ERP44: variants seen among roughly 807,000 people sequenced by gnomAD.
ERP44 encodes the protein endoplasmic reticulum resident protein 44.
Under a neutral mutation model 53.4 loss-of-function variants are expected in ERP44, and 25 were observed. The observed-to-expected ratio is 0.47, with a 90% CI of 0.34 to 0.65. ERP44 has a LOEUF of 0.65. Ranked by LOEUF, ERP44 falls within the 30% of genes least tolerant of loss-of-function variation. ERP44 has a pLI of 0.01. For synonymous variants in ERP44, 145 were observed against 161.2 expected (o/e 0.90, Z 0.76); for missense variants, 338 against 493.2 (o/e 0.69, Z 2.98).
intron 1 of ERP44, among the ~76,000 whole-genome samples, chr9:100,071,182 C>G (rs1826300146): frequency 6.6e-6 from 1 of 150,670 alleles, no homozygotes; most frequent in African/African-American, 2.4e-5. Context: ...GCGACCTCCA[C>G]CTCCTGGGCT....
chr9:100,014,896 C>A (rs1830513164), intron 8 of ERP44, among the ~76,000 whole-genome samples: 1 of 152,228 alleles, frequency 6.6e-6, no homozygotes, highest in African/African-American at 2.4e-5. Flanking sequence ...AAATTCATTT[C>A]TCATCATTCT....
chr9:100,004,568 G>C (rs1432008340), intron 10 of ERP44, among the ~76,000 whole-genome samples: 2 of 152,218 alleles, frequency 1.3e-5, no homozygotes, highest in African/African-American at 4.8e-5. Flanking sequence ...CAAGCCAAGT[G>C]TTTGGGTCTG....
intron 10 of ERP44, among the ~76,000 whole-genome samples, chr9:99,991,953 C>G (rs927023301): frequency 2.6e-5 from 4 of 152,138 alleles, no homozygotes; most frequent in Non-Finnish European, 4.4e-5. Flanking sequence ...TACACCCTCC[C>G]AAGGCTAAAC....
chr9:100,052,294 C>T (rs1199935781), intron 4 of ERP44, 123 bp downstream of exon 4: 2 of 448,580 alleles, frequency 4.5e-6, no homozygotes, highest in Admixed American at 8.9e-5. Flanking sequence ...CACTTAAAAG[C>T]AGAGCATTTA....
At chr9:100,067,221 C>T (rs1267906373) in intron 1 of ERP44, among the ~76,000 whole-genome samples, 1 of 152,200 alleles carries the variant, frequency 6.6e-6, no homozygotes, top group East Asian at 1.9e-4. Flanking sequence ...TCTCTTTCCA[C>T]AGTCTCCCTC....
At chr9:100,009,201 T>C (rs1301638852) in intron 8 of ERP44, among the ~76,000 whole-genome samples, 3 of 152,150 alleles carry the variant, frequency 2.0e-5, no homozygotes, top group East Asian at 1.9e-4. Context: ...AACCTCTGCC[T>C]CCCGTGTTCA....
At chr9:100,092,950 T>C (rs926610469) in intron 1 of ERP44, among the ~76,000 whole-genome samples, 4 of 152,112 alleles carry the variant, frequency 2.6e-5, no homozygotes, top group African/African-American at 9.7e-5. Context: ...TATCAGAAAT[T>C]CTAAATATAA....
At chr9:100,048,714 A>G (rs938970421) in intron 4 of ERP44, among the ~76,000 whole-genome samples, 1 of 152,244 alleles carries the variant, frequency 6.6e-6, no homozygotes, top group Admixed American at 6.5e-5. Context: ...GACGCATGCT[A>G]CAACACGAAT....
At chr9:99,998,897 C>T (rs1830344686) in intron 10 of ERP44, 5 of 1,593,162 alleles carry the variant, frequency 3.1e-6, no homozygotes. Flanking sequence ...CTCCATCTCC[C>T]CCAGCAGTCT....
In ERP44 at chr9:100,085,146, A is replaced by T. The variant is rs562342613; in HGVS notation, c.57+13638T>A. ...CACTTTTTTATTCAAGACAATAACT[A>T]GTGTGTATCAAGGAAGTCTTTATAA... On this transcript the variant is annotated intron_variant, in intron 1 of 11. Transcript: ENST00000262455. 3.4e-4 allele frequency among the ~76,000 whole-genome samples: 52 copies of T among 152,370 alleles called. 1 individual carries two copies. The highest frequency in any genetic ancestry group is 1.3e-3 in the African/African-American group (52 of 41,590).
chr9:100,031,225 G>A (rs1361093659), intron 4 of ERP44, among the ~76,000 whole-genome samples: 2 of 151,938 alleles, frequency 1.3e-5, no homozygotes, highest in Admixed American at 6.6e-5. Flanking sequence ...TTCTCATTTT[G>A]TTCTATGTCT....
At chr9:100,001,825 A>G (rs1830381240) in intron 10 of ERP44, among the ~76,000 whole-genome samples, 1 of 152,138 alleles carries the variant, frequency 6.6e-6, no homozygotes, top group African/African-American at 2.4e-5. Context: ...CAAATTAATT[A>G]TTGATGGGTA....
At chr9:100,097,125 T>G (rs950736609) in intron 1 of ERP44, among the ~76,000 whole-genome samples, 1 of 152,172 alleles carries the variant, frequency 6.6e-6, no homozygotes, top group Non-Finnish European at 1.5e-5. Flanking sequence ...AGAAAGATAA[T>G]TATACAAAAT....
chr9:100,060,314 C>G, intron 1 of ERP44, 142 bp from the exon 2 acceptor site: 1 of 971,568 alleles, frequency 1.0e-6, no homozygotes, highest in Non-Finnish European at 1.3e-6. Context: ...ATTATCTAGT[C>G]TAATCTTTTA....
chr9:100,086,684 C>T (rs187583435), intron 1 of ERP44, among the ~76,000 whole-genome samples: 65 of 152,268 alleles, frequency 4.3e-4, no homozygotes, highest in African/African-American at 1.4e-3. Context: ...CCTACTATCA[C>T]AACAGCTAAA....
intron 10 of ERP44, among the ~76,000 whole-genome samples, chr9:99,989,046 G>C (rs768259547): frequency 6.6e-6 from 1 of 152,210 alleles, no homozygotes; most frequent in African/African-American, 2.4e-5. Flanking sequence ...CTCGAACTGG[G>C]TGGAGCCCAC....
intron 4 of ERP44, among the ~76,000 whole-genome samples, chr9:100,029,522 A>C (rs1825751015): frequency 1.3e-5 from 2 of 152,208 alleles, no homozygotes; most frequent in African/African-American, 4.8e-5. Flanking sequence ...GAAAATAATT[A>C]ATACTGCAGA....
chr9:99,980,879 A>T lies in ERP44; in HGVS notation c.*1733T>A, dbSNP rs1174496207. 6.6e-6 allele frequency: 1 copy of T among 152,208 alleles called. No homozygotes were observed. Among genetic ancestry groups the T allele is most frequent in the African/African-American group, 2.4e-5 (1 of 41,442 alleles). 9.4% of individuals were successfully genotyped at this position (152,208 alleles called of 1,614,324 possible). On this transcript the variant is annotated 3_prime_UTR_variant, in exon 12 of 12. Coordinates refer to ENST00000262455, the MANE Select transcript of ERP44 (RefSeq NM_015051.3). ...TACTCCTTGAGGCCTTTTTCATAAT[A>T]ACTACTCTCAAGCCAGCTCTCTGCA...
At chr9:99,985,707 GT>G (rs910380583) in intron 10 of ERP44, among the ~76,000 whole-genome samples, 4 of 152,088 alleles carry the variant, frequency 2.6e-5, no homozygotes, top group South Asian at 4.2e-4. Context: ...GCATTTTCAT[GT>G]TTTTTTTCCT....
Sources: gnomAD v4.1 joint callset for allele counts (sites outside exome capture counted in the v4.1 genomes callset) on GRCh38, gnomAD v4.1.1 for gene constraint, MANE v1.5 for transcripts, NCBI Gene and HGNC (gene_info 2026-07-23, HGNC 2026-07-21) for gene names.